The following OSBPL9 variants were observed in gnomAD, a reference collection of about 807,000 sequenced individuals.
The protein encoded by OSBPL9 is oxysterol binding protein like 9.
OSBPL9 carries 40 observed loss-of-function variants against 106.6 expected under a neutral mutation model. The observed-to-expected ratio is 0.38, with a 90% CI of 0.29 to 0.49. The LOEUF (loss-of-function observed/expected upper bound fraction) is 0.49. Ranked by LOEUF, OSBPL9 falls within the 20% of genes least tolerant of loss-of-function variation. The pLI, the probability that OSBPL9 is intolerant of heterozygous loss-of-function variation, is 0.97. For synonymous variants in OSBPL9, 269 were observed against 295.4 expected, an observed-to-expected ratio of 0.91 and a Z score of 0.92; for missense variants, 609 against 887.2, an observed-to-expected ratio of 0.69 and a Z score of 3.98.
At chr1:51,639,238 C>T (rs1248370425) in intron 1 of OSBPL9, among the ~76,000 whole-genome samples, 3 of 152,122 alleles carry the variant, frequency 2.0e-5, no homozygotes, top group Non-Finnish European at 4.4e-5. Context: ...CTAGAACCAG[C>T]GTCTTGTGAT....
At chr1:51,776,421 T>A (rs886820354) in intron 14 of OSBPL9, among the ~76,000 whole-genome samples, 3 of 152,226 alleles carry the variant, frequency 2.0e-5, no homozygotes, top group Non-Finnish European at 2.9e-5. Context: ...ACTGTAATAA[T>A]TTCTTCATCA....
intron 15 of OSBPL9, among the ~76,000 whole-genome samples, chr1:51,779,848 C>G (rs1466075719): frequency 1.3e-5 from 2 of 152,108 alleles, no homozygotes; most frequent in East Asian, 3.9e-4. Context: ...GAGGCCAAGG[C>G]AGGTGGATCA....
At chr1:51,597,418 T>C (rs1481216371) in intron 1 of OSBPL9, among the ~76,000 whole-genome samples, 1 of 97,838 alleles carries the variant, frequency 1.0e-5, no homozygotes, top group African/African-American at 3.2e-5. Flanking sequence ...TGTATATATA[T>C]ATATATGTGT....
intron 1 of OSBPL9, among the ~76,000 whole-genome samples, chr1:51,639,151 A>G (rs1645623301): frequency 6.6e-6 from 1 of 152,214 alleles, no homozygotes; most frequent in African/African-American, 2.4e-5. Flanking sequence ...CTTGTCACTA[A>G]TATCCCAATC....
chr1:51,787,394 T>C lies in OSBPL9; in HGVS notation c.2042T>C (p.Ile681Thr), dbSNP rs778762175. 83 of 1,614,000 alleles carry C rather than the reference T, an allele frequency of 5.1e-5. No individual in the cohort carries two copies. The highest frequency in any genetic ancestry group is 3.5e-4 in the Admixed American group (21 of 60,018). ...ACTTTCAACTTAAAAATCAGAGACA[T>C]TGATGCAGCAACTGAAGCAAAGCAC... is the stretch of plus-strand genomic sequence containing the variant. ...DVTFNLKIRD[I>T]DAATEAKHRL... The change falls in exon 23 of 24, where the codon ATT becomes ACT. Residue 681 changes from isoleucine to threonine, a missense_variant. Physicochemically the swap from Ile to Thr is moderately conservative, Grantham distance 89. Coordinates refer to ENST00000428468, the MANE Select transcript of OSBPL9 (RefSeq NM_024586.6).
intron 2 of OSBPL9, among the ~76,000 whole-genome samples, chr1:51,664,792 A>G (rs2148746247): frequency 6.6e-6 from 1 of 152,340 alleles, no homozygotes; most frequent in South Asian, 2.1e-4. Flanking sequence ...GGTTGGGTTA[A>G]TGATTAGGAA....
intron 3 of OSBPL9, 173 bp downstream of exon 3, chr1:51,669,685 C>CA (rs1482961135): frequency 3.6e-6 from 2 of 558,916 alleles, no homozygotes; most frequent in Admixed American, 2.2e-5. Flanking sequence ...TTTGTATCTG[C>CA]AATGGATGTA....
chr1:51,781,061 C>T (rs1197304350), intron 15 of OSBPL9, 103 bp from the exon 16 acceptor site: 1 of 1,014,130 alleles, frequency 9.9e-7, no homozygotes, highest in Non-Finnish European at 1.5e-6. Flanking sequence ...CCTAGGTCCT[C>T]AGTCCTCTCA....
At chr1:51,597,760 T>G (rs2148603104) in intron 1 of OSBPL9, among the ~76,000 whole-genome samples, 1 of 152,264 alleles carries the variant, frequency 6.6e-6, no homozygotes, top group Non-Finnish European at 1.5e-5. Context: ...AGAGCCTCCT[T>G]TAGAATTCTA....
chr1:51,750,019 G>A (rs542985505), intron 7 of OSBPL9, 126 bp from the exon 8 acceptor site: 9 of 509,094 alleles, frequency 1.8e-5, no homozygotes, highest in Admixed American at 1.2e-4. Flanking sequence ...GATCCAAAGA[G>A]GATATTTCTT....
intron 1 of OSBPL9, among the ~76,000 whole-genome samples, chr1:51,580,926 ATATATATATATATATATATATATATAT>A: frequency 3.6e-3 from 1 of 280 alleles, no homozygotes; most frequent in South Asian, 0.25. Flanking sequence ...ATATATATAT[ATATATATATATATATATATATATATAT>A]AACTTTTTTG....
intron 1 of OSBPL9, among the ~76,000 whole-genome samples, chr1:51,620,715 AC>A: frequency 6.6e-6 from 1 of 152,288 alleles, no homozygotes; most frequent in African/African-American, 2.4e-5. Context: ...AAGCAGGAGG[AC>A]AGATAATGAA....
intron 4 of OSBPL9, among the ~76,000 whole-genome samples, chr1:51,742,857 A>G (rs548169501): frequency 6.6e-6 from 1 of 152,336 alleles, no homozygotes; most frequent in East Asian, 1.9e-4. Context: ...TTTTAATGAA[A>G]TATTCTACAT....
chr1:51,761,825 T>A (rs1167903941), intron 10 of OSBPL9, 42 bp from the exon 11 acceptor site: 2 of 1,417,976 alleles, frequency 1.4e-6, no homozygotes, highest in Non-Finnish European at 1.0e-6. Flanking sequence ...AATGTGTGTT[T>A]GGCTGTTTCT....
At chr1:51,622,784 A>G (rs1644522210) in intron 1 of OSBPL9, among the ~76,000 whole-genome samples, 2 of 152,224 alleles carry the variant, frequency 1.3e-5, no homozygotes, top group Admixed American at 1.3e-4. Context: ...GTCAGAGACC[A>G]CCACTTCTGC....
upstream of OSBPL9, among the ~76,000 whole-genome samples, chr1:51,575,894 T>C (rs983228221): frequency 1.3e-5 from 2 of 152,106 alleles, no homozygotes. Context: ...CCAAAGGAAA[T>C]CTATATAAAC....
chr1:51,669,610 T>A, intron 3 of OSBPL9, 98 bp downstream of exon 3: 1 of 1,116,660 alleles, frequency 9.0e-7, no homozygotes, highest in Non-Finnish European at 1.3e-6. Flanking sequence ...GTTTTGCAAC[T>A]GATCCTGCAT....
chr1:51,777,528 G>A (rs182647108), intron 15 of OSBPL9, among the ~76,000 whole-genome samples: 3 of 152,206 alleles, frequency 2.0e-5, no homozygotes, highest in Non-Finnish European at 2.9e-5. Flanking sequence ...TTGTTAGTTC[G>A]TCTTCTCTGC....
intron 3 of OSBPL9, among the ~76,000 whole-genome samples, chr1:51,698,550 G>A (rs1447847029): frequency 2.6e-5 from 4 of 152,104 alleles, no homozygotes; most frequent in African/African-American, 7.2e-5. Flanking sequence ...CTTATTGTGG[G>A]TCGCAGTCAA....
Sources: allele counts gnomAD v4.1 joint callset (sites outside exome capture counted in the v4.1 genomes callset), GRCh38; gene constraint gnomAD v4.1.1; transcripts MANE v1.5; gene names NCBI Gene and HGNC (gene_info 2026-07-23, HGNC 2026-07-21).